The following PLSCR2 variants were observed in gnomAD, a reference collection of about 807,000 sequenced individuals.
PLSCR2 encodes PL scramblase 2.
In PLSCR2, 18 loss-of-function variants were observed where a neutral mutation model predicts 25.3. That is an observed-to-expected ratio of 0.71 (90% CI 0.49 to 1.06). The LOEUF is 1.06. Among genes scored for constraint, PLSCR2 ranks in the 50% least tolerant of loss-of-function variants. The pLI is 0.00. For synonymous variants in PLSCR2, 88 were observed against 87.3 expected (o/e 1.01, Z -0.04); for missense variants, 243 against 269.5 (o/e 0.90, Z 0.69).
At chr3:146,456,502 C>A (rs1251342435) in intron 3 of PLSCR2, among the ~76,000 whole-genome samples, 1 of 152,174 alleles carries the variant, frequency 6.6e-6, no homozygotes, top group Non-Finnish European at 1.5e-5. Flanking sequence ...CCTCTGTGGT[C>A]ATCTATTATC....
downstream of PLSCR2, among the ~76,000 whole-genome samples, chr3:146,431,529 G>A (rs1324112934): frequency 6.6e-6 from 1 of 152,116 alleles, no homozygotes; most frequent in Non-Finnish European, 1.5e-5. Context: ...GAGTGTGCCT[G>A]CTTAAGAGGG....
upstream of PLSCR2, chr3:146,461,865 T>G (rs1270880388): frequency 7.8e-7 from 1 of 1,275,676 alleles, no homozygotes; most frequent in Non-Finnish European, 1.1e-6. Flanking sequence ...GTGAGTTCCA[T>G]GATCTCATAT....
chr3:146,447,414 T>C (rs1343610215), intron 6 of PLSCR2, among the ~76,000 whole-genome samples: 1 of 152,162 alleles, frequency 6.6e-6, no homozygotes. Flanking sequence ...CAGCAGGTGA[T>C]AAATCCTAGC....
At chr3:146,451,857 G>C (rs879615350) in intron 5 of PLSCR2, among the ~76,000 whole-genome samples, 27 of 151,654 alleles carry the variant, frequency 1.8e-4, no homozygotes, top group Non-Finnish European at 5.9e-5. Context: ...GCTTACCCCA[G>C]TTCCACAGGG....
At chr3:146,455,025 G>A (rs908650372) in intron 4 of PLSCR2, among the ~76,000 whole-genome samples, 1 of 152,162 alleles carries the variant, frequency 6.6e-6, no homozygotes, top group Non-Finnish European at 1.5e-5. Context: ...CTGAGCAGTT[G>A]CTCAACCCCA....
Position 146,482,081 on chromosome 3 carries a change from A to T in PLSCR2, c.-293+13814T>A, listed in dbSNP as rs540394086. Among the ~76,000 whole-genome samples the T allele has an allele frequency of 3.3e-5, 5 of 152,332 alleles. No individual in the cohort carries two copies. The South Asian group carries it at 6.2e-4, about 19-fold the overall frequency. On this transcript the variant is annotated intron_variant, in intron 1 of 8. Coordinates refer to the PLSCR2 transcript ENST00000336685. ...CACCTTATACAAAAATTAATTCAAG[A>T]TGGAATAATGACTTAAATTTTAGAC... is the stretch of plus-strand genomic sequence containing the variant.
intron 2 of PLSCR2, among the ~76,000 whole-genome samples, chr3:146,426,890 A>T (rs1019567218): frequency 1.3e-5 from 2 of 152,192 alleles, no homozygotes; most frequent in African/African-American, 4.8e-5. Flanking sequence ...TAAAGTGTGT[A>T]TCTTTATGGA....
At chr3:146,450,049 G>A (rs2040808759) in intron 5 of PLSCR2, among the ~76,000 whole-genome samples, 1 of 152,116 alleles carries the variant, frequency 6.6e-6, no homozygotes, top group Non-Finnish European at 1.5e-5. Flanking sequence ...AAAAATAAAG[G>A]TTGTAAAAAT....
chr3:146,441,220 C>A (rs1436764344), downstream of PLSCR2, among the ~76,000 whole-genome samples: 6 of 151,672 alleles, frequency 4.0e-5, no homozygotes, highest in African/African-American at 1.5e-4. Context: ...AGCTAGACTC[C>A]ATCTCAAAAA....
intron 1 of PLSCR2, chr3:146,494,738 T>C (rs1467316933): frequency 6.6e-6 from 1 of 152,218 alleles, no homozygotes; most frequent in Middle Eastern, 3.2e-3. Context: ...ACAATTATAT[T>C]AGTTGGAAAG....
chr3:146,489,498 A>G (rs891110713), intron 1 of PLSCR2, among the ~76,000 whole-genome samples: 1 of 152,050 alleles, frequency 6.6e-6, no homozygotes, highest in Non-Finnish European at 1.5e-5. Flanking sequence ...AGGTCCAATC[A>G]TGTTCTGTTC....
At chr3:146,448,082 T>C (rs2040669625) in intron 6 of PLSCR2, among the ~76,000 whole-genome samples, 1 of 152,144 alleles carries the variant, frequency 6.6e-6, no homozygotes, top group African/African-American at 2.4e-5. Flanking sequence ...TTTAGGTGAT[T>C]CAAGACTGTC....
intron 1 of PLSCR2, among the ~76,000 whole-genome samples, chr3:146,482,705 A>G (rs2043172167): frequency 2.0e-5 from 3 of 152,190 alleles, no homozygotes; most frequent in Admixed American, 2.0e-4. Flanking sequence ...ATACCATTTG[A>G]CCCAGCCATC....
intron 2 of PLSCR2, chr3:146,395,943 T>G (rs2038259049): frequency 3.2e-6 from 1 of 310,902 alleles, no homozygotes; most frequent in Admixed American, 4.6e-5. Context: ...AAATATATAA[T>G]CTTAGGATAA....
In PLSCR2 at chr3:146,494,426, A is replaced by T. The variant is rs374390199; in HGVS notation, c.-293+1469T>A. 3.4e-4 allele frequency among the ~76,000 whole-genome samples: 52 copies of T among 152,098 alleles called. No individual in the cohort carries two copies. In the South Asian group the frequency reaches 1.0e-2, roughly 29 times the overall value. ...TATTACTGTTTTTCATGTTGTCTAC[A>T]TGTGTGCATATACAGTGCATATGTG... On this transcript the variant is annotated intron_variant, in intron 1 of 8. Coordinates refer to the PLSCR2 transcript ENST00000336685.
chr3:146,406,079 G>A (rs930909669), intron 2 of PLSCR2, among the ~76,000 whole-genome samples: 9 of 152,202 alleles, frequency 5.9e-5, no homozygotes, highest in Middle Eastern at 3.4e-3. Flanking sequence ...ATACTATTGA[G>A]TTGAATTAGG....
intron 1 of PLSCR2, among the ~76,000 whole-genome samples, chr3:146,493,796 T>TG (rs1347348373): frequency 4.0e-5 from 6 of 149,602 alleles, no homozygotes; most frequent in Non-Finnish European, 8.9e-5. Flanking sequence ...TTTTTTTTTT[T>TG]TTTTTTTTTT....
At chr3:146,415,424 A>C (rs1343625591) in intron 2 of PLSCR2, among the ~76,000 whole-genome samples, 1 of 152,060 alleles carries the variant, frequency 6.6e-6, no homozygotes, top group Non-Finnish European at 1.5e-5. Flanking sequence ...TCTATTGTTA[A>C]CATACTCAAT....
chr3:146,469,632 C>A (rs1181902377), intron 1 of PLSCR2, 71 bp from the exon 1 acceptor site: 1 of 920,126 alleles, frequency 1.1e-6, no homozygotes, highest in Non-Finnish European at 1.3e-6. Context: ...CCTGGACCAG[C>A]CTCAGAGTCT....
Sources: gnomAD v4.1 joint callset for allele counts (sites outside exome capture counted in the v4.1 genomes callset) on GRCh38, gnomAD v4.1.1 for gene constraint, MANE v1.5 for transcripts, NCBI Gene and HGNC (gene_info 2026-07-23, HGNC 2026-07-21) for gene names.